Variants in GADD45A observed in about 807,000 individuals in gnomAD.
GADD45A encodes growth arrest and DNA damage-inducible protein GADD45 alpha.
GADD45A carries 9 observed loss-of-function variants against 17.7 expected under a neutral mutation model. The ratio of observed to expected loss-of-function variants is 0.51; its 90% confidence interval spans 0.31 to 0.89. The LOEUF (loss-of-function observed/expected upper bound fraction) is 0.89. Among genes scored for constraint, GADD45A ranks in the 40% least tolerant of loss-of-function variants. GADD45A has a pLI of 0.05. For missense variants in GADD45A, 149 were observed against 220.6 expected, an observed-to-expected ratio of 0.68 and a Z score of 2.06; for synonymous variants, 95 against 92.2, an observed-to-expected ratio of 1.03 and a Z score of -0.17.
rs573168902 is a variant in GADD45A at position 67,685,236 on chromosome 1, C to G, written c.-259C>G. 2.0e-6 allele frequency: 1 copy of G among 488,318 alleles called. No individual in the cohort carries two copies. The highest frequency in any genetic ancestry group is 4.4e-5 in the Admixed American group (1 of 22,866). The allele number at this position is 488,318 out of a possible 1,614,324, so 30.2% of individuals were successfully genotyped here. On this transcript the variant is annotated 5_prime_UTR_variant, in exon 1 of 4. Coordinates refer to ENST00000370986, the MANE Select transcript of GADD45A (RefSeq NM_001924.4). ...AGGCAGTGGCTGGGAGGCAGCGGCCCAATTAGTGTCGTGCGGCCCGTGGCG... is the reference window on the plus strand; with the variant it reads ...AGGCAGTGGCTGGGAGGCAGCGGCCGAATTAGTGTCGTGCGGCCCGTGGCG...
rs1385690581 is a variant in GADD45A, at chr1:67,688,208, G to A, written c.*434G>A. 6.5e-6 allele frequency: 1 copy of A among 154,114 alleles called. No individual in the cohort carries two copies. The allele number at this position is 154,114 out of a possible 1,614,324, so 9.5% of individuals were successfully genotyped here. On this transcript the variant is annotated 3_prime_UTR_variant, in exon 4 of 4. Transcript: ENST00000370986. ...AAACCATATTTTATTGTATTTTGATGAGATATTAAATTCTCAAAGTTTTAT... is the reference window on the plus strand; with the variant it reads ...AAACCATATTTTATTGTATTTTGATAAGATATTAAATTCTCAAAGTTTTAT...
chr1:67,686,293 G>A, intron 2 of GADD45A, 57 bp from the exon 3 acceptor site: 1 of 1,524,402 alleles, frequency 6.6e-7, no homozygotes, highest in Non-Finnish European at 9.0e-7. Context: ...AGGGACCCGG[G>A]CAGTGGTTGA....
chr1:67,687,793 A>T lies in GADD45A; in HGVS notation c.*19A>T. On this transcript the variant is annotated 3_prime_UTR_variant, in exon 4 of 4. Coordinates refer to ENST00000370986, the MANE Select transcript of GADD45A (RefSeq NM_001924.4). Reference sequence around the variant, plus strand: ...ACGGTGATGGCATCTGAATGAAAATAACTGAACCAAATTGCACTGAAGTTT... The same window carrying T: ...ACGGTGATGGCATCTGAATGAAAATTACTGAACCAAATTGCACTGAAGTTT... 1 of 1,488,298 alleles carries T rather than the reference A, an allele frequency of 6.7e-7. No homozygotes were observed. The highest frequency in any genetic ancestry group is 1.1e-5 in the South Asian group (1 of 88,534). 92.2% of individuals were successfully genotyped at this position (1,488,298 alleles called of 1,614,324 possible). A position where few individuals can be genotyped will look rare whatever the true frequency, so the allele number is the denominator to read the frequency against.
intron 3 of GADD45A, among the ~76,000 whole-genome samples, chr1:67,687,043 AT>A (rs563017528): frequency 6.6e-6 from 1 of 151,166 alleles, no homozygotes; most frequent in Non-Finnish European, 1.5e-5. Context: ...ATAGAGTGGA[AT>A]TTTTTTTCTC....
At chr1:67,686,292 G>A in intron 2 of GADD45A, 58 bp from the exon 3 acceptor site, 1 of 1,520,584 alleles carries the variant, frequency 6.6e-7, no homozygotes, top group South Asian at 1.2e-5. Context: ...CAGGGACCCG[G>A]GCAGTGGTTG....
In GADD45A at chr1:67,685,443, A is replaced by C; in HGVS notation, c.-52A>C. 6.4e-7 allele frequency: 1 copy of C among 1,559,136 alleles called. No individual in the cohort carries two copies. The highest frequency in any genetic ancestry group is 8.7e-7 in the Non-Finnish European group (1 of 1,144,482). On this transcript the variant is annotated 5_prime_UTR_variant, in exon 1 of 4. Transcript: ENST00000370986. The stretch of plus-strand genomic sequence containing the variant: ...CAGGCGCCCGCGCGCTAGCCGTGGC[A>C]GGAGCAGCCCGCACGCCGCGCTCTC...
chr1:67,687,868 A>C lies in GADD45A; in HGVS notation c.*94A>C. ...AGCAGTTACTCCCTACACTGATGCA[A>C]GGATTACAGAAACTGATGCCAAGGG... On this transcript the variant is annotated 3_prime_UTR_variant, in exon 4 of 4. Coordinates refer to ENST00000370986, the MANE Select transcript of GADD45A (RefSeq NM_001924.4). The C allele has an allele frequency of 1.2e-6, 1 of 805,096 alleles. No individual in the cohort carries two copies. 49.9% of individuals were successfully genotyped at this position (805,096 alleles called of 1,614,324 possible). A position where few individuals can be genotyped will look rare whatever the true frequency, so the allele number is the denominator to read the frequency against.
intron 1 of GADD45A, 173 bp downstream of exon 1, chr1:67,685,711 C>G: frequency 1.5e-6 from 1 of 685,936 alleles, no homozygotes; most frequent in Admixed American, 2.7e-5. Flanking sequence ...ACTGAAAGAG[C>G]GTGCCCCCCA....
In GADD45A at chr1:67,685,432, C is replaced by A. The variant is rs1266028114; in HGVS notation, c.-63C>A. ...AGTGCAGAAAGCAGGCGCCCGCGCG[C>A]TAGCCGTGGCAGGAGCAGCCCGCAC... On this transcript the variant is annotated 5_prime_UTR_variant, in exon 1 of 4. Transcript: ENST00000370986. 10 of 1,521,160 alleles carry A rather than the reference C, an allele frequency of 6.6e-6. No homozygotes were observed. Among genetic ancestry groups the A allele is most frequent in the Non-Finnish European group, 9.0e-6 (10 of 1,115,032 alleles). 94.2% of individuals were successfully genotyped at this position (1,521,160 alleles called of 1,614,324 possible). A position where few individuals can be genotyped will look rare whatever the true frequency, so the allele number is the denominator to read the frequency against.
Position 67,686,398 on chromosome 1 carries a change from C to G in GADD45A, c.195C>G (p.Asp65Glu). ...GCCTGCTGGCGGCGGACGAGGACGACGACAGAGATGTGGCTCTGCAGATCC... is the reference window on the plus strand; with the variant it reads ...GCCTGCTGGCGGCGGACGAGGACGAGGACAGAGATGTGGCTCTGCAGATCC... Reference protein sequence around the residue: ...VLCLLAADEDDDRDVALQIHF... With the variant: ...VLCLLAADEDEDRDVALQIHF... The change falls in exon 3 of 4, where the codon GAC becomes GAG. Residue 65 changes from aspartate (D) to glutamate (E), a missense_variant. Transcript: ENST00000370986. 4 of 1,613,624 alleles carry G rather than the reference C, an allele frequency of 2.5e-6. No individual in the cohort carries two copies. Among genetic ancestry groups the G allele is most frequent in the Non-Finnish European group, 3.4e-6 (4 of 1,179,824 alleles).
chr1:67,687,516 G>T, intron 3 of GADD45A, 145 bp from the exon 4 acceptor site: 1 of 615,762 alleles, frequency 1.6e-6, no homozygotes. Flanking sequence ...CTACCTTGAA[G>T]AAACTTTAAT....
chr1:67,687,948 A>G lies in GADD45A; in HGVS notation c.*174A>G. The G allele has an allele frequency of 2.0e-6, 1 of 495,536 alleles. No individual in the cohort carries two copies. The highest frequency in any genetic ancestry group is 5.3e-4 in the Middle Eastern group (1 of 1,890). The allele number at this position is 495,536 out of a possible 1,614,324, so 30.7% of individuals were successfully genotyped here. On this transcript the variant is annotated 3_prime_UTR_variant, in exon 4 of 4. Transcript: ENST00000370986. The stretch of plus-strand genomic sequence containing the variant: ...GGCCCGGAGATAGATGACTTTGCAG[A>G]TGGAAAGAGGTGAAAATGAAGAAGG...
At chr1:67,686,623 G>GCC in intron 3 of GADD45A, 36 bp downstream of exon 3, 1 of 1,559,820 alleles carries the variant, frequency 6.4e-7, no homozygotes, top group Non-Finnish European at 8.7e-7. Context: ...GCAGGGTAGA[G>GCC]CCCCGGAAGG....
At chr1:67,686,198 C>T in intron 2 of GADD45A, 72 bp downstream of exon 2, 2 of 1,391,188 alleles carry the variant, frequency 1.4e-6, no homozygotes, top group Non-Finnish European at 2.0e-6. Context: ...CTTGGCTGGG[C>T]GCCCCTCGCC....
chr1:67,686,625 C>G, intron 3 of GADD45A, 38 bp downstream of exon 3: 1 of 1,552,924 alleles, frequency 6.4e-7, no homozygotes, highest in Non-Finnish European at 8.8e-7. Flanking sequence ...AGGGTAGAGC[C>G]CCGGAAGGAC....
In GADD45A at chr1:67,685,470, C is replaced by T. The variant is rs1315994421; in HGVS notation, c.-25C>T. The T allele has an allele frequency of 1.2e-6, 2 of 1,603,272 alleles. No individual in the cohort carries two copies. The highest frequency in any genetic ancestry group is 1.7e-6 in the Non-Finnish European group (2 of 1,174,432). On this transcript the variant is annotated 5_prime_UTR_variant, in exon 1 of 4. Transcript: ENST00000370986. ...GAGCAGCCCGCACGCCGCGCTCTCTCCCTGGGCGACCTGCAGTTTGCAATA... is the reference window on the plus strand; with the variant it reads ...GAGCAGCCCGCACGCCGCGCTCTCTTCCTGGGCGACCTGCAGTTTGCAATA...
chr1:67,686,341 T>G lies in GADD45A; in HGVS notation c.147-9T>G. On this transcript the variant is annotated splice_polypyrimidine_tract_variant and intron_variant, in intron 2 of 3. Transcript: ENST00000370986. The stretch of plus-strand genomic sequence containing the variant: ...TTCTGCGCTCACTGGCCCCGCCCGC[T>G]GCCCCCAGCGACCCCGATAACGTGG... 1 of 1,609,558 alleles carries G rather than the reference T, an allele frequency of 6.2e-7. No individual in the cohort carries two copies.
At chr1:67,687,536 C>G in intron 3 of GADD45A, 125 bp from the exon 4 acceptor site, 1 of 637,854 alleles carries the variant, frequency 1.6e-6, no homozygotes, top group Non-Finnish European at 2.7e-6. Context: ...TTTTTTTGTG[C>G]TTCTAATTTG....
At chr1:67,685,909 A>C (rs536858758) in intron 1 of GADD45A, 116 bp from the exon 2 acceptor site, 2 of 676,424 alleles carry the variant, frequency 3.0e-6, no homozygotes, top group East Asian at 5.9e-5. Context: ...CGTAGAGCCC[A>C]GGTGCGCGGT....
Sources: allele counts gnomAD v4.1 joint callset (sites outside exome capture counted in the v4.1 genomes callset), GRCh38; gene constraint gnomAD v4.1.1; transcripts MANE v1.5; gene names NCBI Gene and HGNC (gene_info 2026-07-23, HGNC 2026-07-21).